UCK1: variants seen among roughly 807,000 people sequenced by gnomAD.
The protein encoded by UCK1 is cytidine monophosphokinase 1.
In UCK1, 20 loss-of-function variants were observed where a neutral mutation model predicts 34.0. That is an observed-to-expected ratio of 0.59 (90% CI 0.41 to 0.86). The LOEUF is 0.86. Ranked by LOEUF, UCK1 falls within the 40% of genes least tolerant of loss-of-function variation. UCK1 has a pLI of 0.00. For synonymous variants in UCK1, 168 were observed against 155.9 expected (o/e 1.08, Z -0.58); for missense variants, 343 against 383.6 (o/e 0.89, Z 0.88).
At chr9:131,530,881 C>T (rs1350560816) in intron 1 of UCK1, among the ~76,000 whole-genome samples, 186 bp downstream of exon 1, 2 of 152,156 alleles carry the variant, frequency 1.3e-5, no homozygotes, top group South Asian at 2.1e-4. Flanking sequence ...AGCCCCGAGG[C>T]CCAGCGCCCC....
In UCK1 at chr9:131,525,921, C is replaced by G; in HGVS notation, c.652+8G>C. On this transcript the variant is annotated splice_region_variant and intron_variant, in intron 6 of 6. Coordinates refer to ENST00000372215, the MANE Select transcript of UCK1 (RefSeq NM_031432.5). ...GCGGGGGGACAGCCCAGCAGGCCAG[C>G]TTCTTACCCATATTGTCCACTCCTC... is the stretch of plus-strand genomic sequence containing the variant. The G allele has an allele frequency of 6.2e-7, 1 of 1,613,734 alleles. No individual in the cohort carries two copies. The highest frequency in any genetic ancestry group is 8.5e-7 in the Non-Finnish European group (1 of 1,179,866).
intron 2 of UCK1, 151 bp from the exon 3 acceptor site, chr9:131,529,735 G>A (rs1023957355): frequency 3.9e-5 from 26 of 664,660 alleles, no homozygotes; most frequent in Middle Eastern, 3.8e-4. Context: ...GTGTATGTTT[G>A]GTAGCAACAG....
rs574346303 is a variant in UCK1, at chr9:131,531,229, G to T, written c.-55C>A. ...CCGCGCCCGCCCCTTCCCCAGGCCCGGCGCGCCCGCCCAGCGCCGAGGTCG... is the reference window on the plus strand; with the variant it reads ...CCGCGCCCGCCCCTTCCCCAGGCCCTGCGCGCCCGCCCAGCGCCGAGGTCG... On this transcript the variant is annotated 5_prime_UTR_variant, in exon 1 of 7. Transcript: ENST00000372215. The T allele has an allele frequency of 2.3e-6, 3 of 1,315,078 alleles. No homozygotes were observed. Among genetic ancestry groups the T allele is most frequent in the African/African-American group, 3.1e-5 (2 of 64,114 alleles). 81.5% of individuals were successfully genotyped at this position (1,315,078 alleles called of 1,614,324 possible). A position where few individuals can be genotyped will look rare whatever the true frequency, so the allele number is the denominator to read the frequency against.
intron 2 of UCK1, 75 bp from the exon 3 acceptor site, chr9:131,529,659 G>A (rs1950755221): frequency 1.4e-6 from 2 of 1,389,704 alleles, no homozygotes; most frequent in African/African-American, 1.4e-5. Context: ...TCTCTGCTCT[G>A]GGGTCAGCAC....
At chr9:131,528,700 G>A (rs1950705353) in intron 5 of UCK1, 1 of 565,342 alleles carries the variant, frequency 1.8e-6, no homozygotes. Flanking sequence ...CTGAGGCAGG[G>A]AGGAAGCGGC....
rs1950464246 is a variant in UCK1 at position 131,524,114 on chromosome 9, C to T, written c.*926G>A. On this transcript the variant is annotated 3_prime_UTR_variant, in exon 7 of 7. Transcript: ENST00000372215. ...GCTTGCTGACTTTGGGCGGCCATGT[C>T]TGCTGGGACCTGGGTGATCCAGTGC... 6.6e-6 allele frequency: 1 copy of T among 152,350 alleles called. No homozygotes were observed. The highest frequency in any genetic ancestry group is 2.1e-4 in the South Asian group (1 of 4,836). The allele number at this position is 152,350 out of a possible 1,614,324, so 9.4% of individuals were successfully genotyped here.
At chr9:131,525,777 A>T in intron 6 of UCK1, 152 bp downstream of exon 6, 1 of 844,888 alleles carries the variant, frequency 1.2e-6, no homozygotes, top group Non-Finnish European at 1.8e-6. Context: ...CCAGCTACAT[A>T]CATTTTTAAG....
Position 131,528,944 on chromosome 9 carries a change from C to T in UCK1, c.603G>A (p.Pro201=), listed in dbSNP as rs535429235. 28 of 1,613,892 alleles carry T rather than the reference C, an allele frequency of 1.7e-5. No homozygotes were observed. Among genetic ancestry groups the T allele is most frequent in the South Asian group, 5.5e-5 (5 of 91,046 alleles). ...VKPAFEEFCL[P]TKKYADVIIP... Reference sequence around the variant, plus strand: ...GCTCTGAAGCAGCGAGCACAGGTACCGGCAGGCAGAACTCCTCGAAGGCCG... The same window carrying T: ...GCTCTGAAGCAGCGAGCACAGGTACTGGCAGGCAGAACTCCTCGAAGGCCG... The change falls in exon 5 of 7, where the codon CCG becomes CCA. Residue 201 remains proline (P), a splice_region_variant and synonymous_variant. Transcript: ENST00000372215.
chr9:131,527,046 G>A (rs529956692), intron 5 of UCK1, among the ~76,000 whole-genome samples: 8 of 152,222 alleles, frequency 5.3e-5, no homozygotes, highest in South Asian at 2.1e-4. Context: ...GGCCGGGTGC[G>A]GTGGCTCACG....
rs532655313 is a variant in UCK1 at position 131,530,751 on chromosome 9, C to G, written c.109-106G>C. ...CCACCCGCCCCCTGGGGGGTATGCTCGGAAGGCGGGAGGACACCAACAGGT... is the reference window on the plus strand; with the variant it reads ...CCACCCGCCCCCTGGGGGGTATGCTGGGAAGGCGGGAGGACACCAACAGGT... On this transcript the variant is annotated intron_variant, in intron 1 of 6. Coordinates refer to ENST00000372215, the MANE Select transcript of UCK1 (RefSeq NM_031432.5). 7.0e-5 allele frequency: 112 copies of G among 1,600,520 alleles called. 3 individuals carry two copies. In the South Asian group the frequency reaches 1.2e-3, roughly 17 times the overall value.
intron 5 of UCK1, among the ~76,000 whole-genome samples, chr9:131,527,040 G>C (rs544996323): frequency 6.6e-6 from 1 of 152,150 alleles, no homozygotes; most frequent in South Asian, 2.1e-4. Context: ...GGCTGGGGCC[G>C]GGTGCGGTGG....
At chr9:131,526,616 T>C (rs957588594) in intron 5 of UCK1, 6 of 825,096 alleles carry the variant, frequency 7.3e-6, no homozygotes, top group Admixed American at 2.3e-5. Flanking sequence ...GGAAGCAGCC[T>C]GGAGAACATG....
intron 2 of UCK1, among the ~76,000 whole-genome samples, chr9:131,530,161 G>A (rs889265619): frequency 6.6e-6 from 1 of 152,228 alleles, no homozygotes; most frequent in African/African-American, 2.4e-5. Flanking sequence ...TGTGTGGAGG[G>A]CCCTAAAGGC....
chr9:131,526,454 C>T (rs747862940), intron 5 of UCK1: 7 of 1,290,302 alleles, frequency 5.4e-6, no homozygotes, highest in South Asian at 3.7e-5. Flanking sequence ...CTCCCTCATC[C>T]AACCACTCAT....
In UCK1 at chr9:131,525,980, G is replaced by A. The variant is rs1950590782; in HGVS notation, c.604-3C>T. The A allele has an allele frequency of 1.2e-6, 2 of 1,614,056 alleles. No homozygotes were observed. Among genetic ancestry groups the A allele is most frequent in the African/African-American group, 1.3e-5 (1 of 75,028 alleles). ...ATCACATCGGCATACTTCTTTGTCT[G>A]TAAGGCACAAGGGGGGGTGTTCCTG... On this transcript the variant is annotated splice_region_variant and splice_polypyrimidine_tract_variant and intron_variant, in intron 5 of 6. Coordinates refer to ENST00000372215, the MANE Select transcript of UCK1 (RefSeq NM_031432.5).
chr9:131,528,798 C>T (rs1950709505), intron 5 of UCK1, 146 bp downstream of exon 5: 1 of 933,448 alleles, frequency 1.1e-6, no homozygotes, highest in Non-Finnish European at 1.6e-6. Flanking sequence ...GAACTACTCC[C>T]AGGGTATGTG....
Position 131,531,133 on chromosome 9 carries a change from C to A in UCK1, c.42G>T (p.Pro14=). ...AGGEDCESPA[P]EADRPHQRPF... is the part of the protein sequence containing the mutation. ...GCCGCTGGTGCGGACGGTCGGCCTC[C>A]GGCGCGGGGCTCTCGCAGTCTTCGC... is the stretch of plus-strand genomic sequence containing the variant. The change falls in exon 1 of 7, where the codon CCG becomes CCT. Residue 14 remains proline (P), a synonymous_variant. Transcript: ENST00000372215. 6.9e-7 allele frequency: 1 copy of A among 1,450,622 alleles called. No homozygotes were observed. Among genetic ancestry groups the A allele is most frequent in the Non-Finnish European group, 9.0e-7 (1 of 1,105,462 alleles). 89.9% of individuals were successfully genotyped at this position (1,450,622 alleles called of 1,614,324 possible).
intron 6 of UCK1, 133 bp downstream of exon 6, chr9:131,525,796 A>T: frequency 3.1e-6 from 3 of 958,786 alleles, no homozygotes; most frequent in South Asian, 1.6e-5. Context: ...AGCATATTTT[A>T]ACCCTGTGCC....
At chr9:131,530,017 G>A (rs545065950) in intron 2 of UCK1, among the ~76,000 whole-genome samples, 2 of 152,308 alleles carry the variant, frequency 1.3e-5, no homozygotes, top group East Asian at 3.9e-4. Flanking sequence ...AGTGGCAGGT[G>A]TCTCCCTGCC....
Sources: gnomAD v4.1 joint callset for allele counts (sites outside exome capture counted in the v4.1 genomes callset) on GRCh38, gnomAD v4.1.1 for gene constraint, MANE v1.5 for transcripts, NCBI Gene and HGNC (gene_info 2026-07-23, HGNC 2026-07-21) for gene names.